Variants in ZNF407 observed in about 807,000 individuals in gnomAD.
The protein encoded by ZNF407 is zinc finger protein 407.
ZNF407 carries 17 observed loss-of-function variants against 131.2 expected under a neutral mutation model. The observed-to-expected ratio is 0.13, with a 90% confidence interval of 0.09 to 0.19. The LOEUF is 0.19. ZNF407 is among the 10% of genes least tolerant of loss of function. The probability of loss-of-function intolerance (pLI) is 1.00; values close to 1 mark genes in which losing one functional copy is unlikely to be tolerated. For missense variants in ZNF407, 2,681 were observed against 2,830.6 expected (o/e 0.95, Z 1.20); for synonymous variants, 1,156 against 1,062.0 (o/e 1.09, Z -1.72).
chr18:74,661,903 G>A (rs540366434), intron 3 of ZNF407, among the ~76,000 whole-genome samples: 5 of 152,214 alleles, frequency 3.3e-5, no homozygotes, highest in South Asian at 2.1e-4. Flanking sequence ...TTTCGTGGCC[G>A]TATTTGTTTG....
chr18:74,671,905 G>A (rs1460625502), intron 3 of ZNF407, among the ~76,000 whole-genome samples: 2 of 152,168 alleles, frequency 1.3e-5, no homozygotes, highest in Non-Finnish European at 2.9e-5. Context: ...TAAAGGGTTA[G>A]CTTTAGTAGA....
chr18:74,841,917 G>A (rs746653835), intron 4 of ZNF407, among the ~76,000 whole-genome samples: 4 of 152,242 alleles, frequency 2.6e-5, no homozygotes, highest in East Asian at 1.9e-4. Flanking sequence ...TATTACTAAC[G>A]TTGCAGTCCT....
rs1984310242 is a variant in ZNF407, at chr18:74,634,231, A to G, written c.3212A>G (p.Lys1071Arg). The part of the protein sequence containing the change: ...MTRHAATEKH[K>R]MKRQSYLNSA... ...AGGCATGCAGCAACAGAGAAGCACAAAATGAAAAGGCAGTCTTATCTCAAC... is the reference window on the plus strand; with the variant it reads ...AGGCATGCAGCAACAGAGAAGCACAGAATGAAAAGGCAGTCTTATCTCAAC... Residue 1071 changes from lysine to arginine, a missense_variant, in exon 2 of 9, where the codon AAA (lysine) becomes AGA (arginine). Lys to Arg is a conservative substitution (Grantham distance 26). Coordinates refer to ENST00000299687, the MANE Select transcript of ZNF407 (RefSeq NM_017757.3). 6.2e-7 allele frequency: 1 copy of G among 1,613,936 alleles called. No individual in the cohort carries two copies. Among genetic ancestry groups the G allele is most frequent in the African/African-American group, 1.3e-5 (1 of 74,948 alleles).
At chr18:74,656,558 A>C (rs1249023468) in intron 3 of ZNF407, among the ~76,000 whole-genome samples, 1 of 152,102 alleles carries the variant, frequency 6.6e-6, no homozygotes, top group African/African-American at 2.4e-5. Context: ...CTGATTGTAT[A>C]CTTTGATTCT....
At chr18:75,018,157 A>G (rs1973066912) in intron 8 of ZNF407, among the ~76,000 whole-genome samples, 1 of 152,196 alleles carries the variant, frequency 6.6e-6, no homozygotes, top group Non-Finnish European at 1.5e-5. Context: ...TGTTAACTTT[A>G]TGATCGAGTA....
At chr18:74,646,620 C>T (rs184147022) in intron 3 of ZNF407, among the ~76,000 whole-genome samples, 1 of 152,182 alleles carries the variant, frequency 6.6e-6, no homozygotes. Context: ...TGTTAGAATC[C>T]TTGAGATACC....
intron 3 of ZNF407, among the ~76,000 whole-genome samples, chr18:74,670,974 C>A (rs1286490154): frequency 2.0e-5 from 3 of 152,186 alleles, no homozygotes; most frequent in East Asian, 3.9e-4. Flanking sequence ...CCCATCTTGA[C>A]CATTTTTGAG....
chr18:74,941,628 A>G (rs1972100422), intron 8 of ZNF407, among the ~76,000 whole-genome samples: 1 of 152,214 alleles, frequency 6.6e-6, no homozygotes, highest in African/African-American at 2.4e-5. Context: ...ATGGTATTAC[A>G]TGGGTTAAGC....
At chr18:74,768,013 C>T (rs1008989250) in intron 3 of ZNF407, among the ~76,000 whole-genome samples, 18 of 151,894 alleles carry the variant, frequency 1.2e-4, no homozygotes, top group African/African-American at 4.4e-4. Context: ...ATTTTCTCTG[C>T]ATATATATAT....
At chr18:74,712,336 A>G (rs1368735572) in intron 3 of ZNF407, among the ~76,000 whole-genome samples, 2 of 152,238 alleles carry the variant, frequency 1.3e-5, no homozygotes, top group East Asian at 1.9e-4. Flanking sequence ...ATGAGACAAT[A>G]TGTGTATATG....
chr18:74,778,464 T>A (rs1364424539), intron 3 of ZNF407, among the ~76,000 whole-genome samples: 1 of 152,200 alleles, frequency 6.6e-6, no homozygotes. Flanking sequence ...CACTTGACAT[T>A]GCTTAATATG....
At chr18:74,728,724 G>T (rs1452083525) in intron 3 of ZNF407, among the ~76,000 whole-genome samples, 1 of 152,286 alleles carries the variant, frequency 6.6e-6, no homozygotes, top group East Asian at 1.9e-4. Context: ...GTGGCGGAAG[G>T]CTTGGCAGTG....
intron 8 of ZNF407, among the ~76,000 whole-genome samples, chr18:74,997,036 A>G (rs1972787433): frequency 6.6e-6 from 1 of 152,240 alleles, no homozygotes; most frequent in South Asian, 2.1e-4. Flanking sequence ...TTTCTGTCAT[A>G]AAATTAAAGA....
At chr18:74,729,671 C>G (rs560824581) in intron 3 of ZNF407, among the ~76,000 whole-genome samples, 1 of 152,124 alleles carries the variant, frequency 6.6e-6, no homozygotes, top group South Asian at 2.1e-4. Flanking sequence ...ATATCACTGG[C>G]ATACAAAAGC....
At position 74,803,011 on chromosome 18, in the gene ZNF407, G is replaced by C. The variant is rs112402853; in HGVS notation, c.4877+21509G>C. On this transcript the variant is annotated intron_variant, in intron 4 of 8. Transcript: ENST00000299687. ...ATAGAATTCAAAAGTTATAAATTTG[G>C]AGTGGTTATAATGTTACCTTTCTTT... Among the ~76,000 whole-genome samples the C allele has an allele frequency of 1.4e-3, 220 of 152,088 alleles. 1 individual carries two copies. The highest frequency in any genetic ancestry group is 5.0e-3 in the African/African-American group (208 of 41,474).
intron 8 of ZNF407, among the ~76,000 whole-genome samples, chr18:74,978,403 G>C (rs1311896223): frequency 6.6e-6 from 1 of 152,046 alleles, no homozygotes; most frequent in East Asian, 1.9e-4. Flanking sequence ...ATTGATTTTG[G>C]AAGATGATAC....
At chr18:74,754,481 C>T (rs1014715439) in intron 3 of ZNF407, among the ~76,000 whole-genome samples, 4 of 152,156 alleles carry the variant, frequency 2.6e-5, no homozygotes, top group African/African-American at 4.8e-5. Context: ...CTCTTGTGGG[C>T]ATTTAGTGCT....
chr18:74,751,093 G>A (rs918226879), intron 3 of ZNF407, among the ~76,000 whole-genome samples: 3 of 151,904 alleles, frequency 2.0e-5, no homozygotes, highest in African/African-American at 4.8e-5. Context: ...TTTATTGATT[G>A]TGTCCTTTGA....
chr18:75,045,371 T>C (rs1973423211), intron 8 of ZNF407, among the ~76,000 whole-genome samples: 1 of 152,180 alleles, frequency 6.6e-6, no homozygotes, highest in African/African-American at 2.4e-5. Context: ...TGTCTGAGTG[T>C]TTAAATTCCT....
Sources: gnomAD v4.1 joint callset for allele counts (sites outside exome capture counted in the v4.1 genomes callset) on GRCh38, gnomAD v4.1.1 for gene constraint, MANE v1.5 for transcripts, NCBI Gene and HGNC (gene_info 2026-07-23, HGNC 2026-07-21) for gene names.